CDCA7L: variants seen among roughly 807,000 people sequenced by gnomAD.
CDCA7L encodes the protein cell division cycle-associated 7-like protein.
Under a neutral mutation model 57.4 loss-of-function variants are expected in CDCA7L, and 44 were observed. That is an observed-to-expected ratio of 0.77 (90% CI 0.60 to 0.98). CDCA7L has a LOEUF of 0.98. Ranked by LOEUF, CDCA7L falls within the 50% of genes least tolerant of loss-of-function variation. CDCA7L has a pLI of 0.00. For missense variants in CDCA7L, 644 were observed against 580.6 expected (o/e 1.11, Z -1.12); for synonymous variants, 236 against 202.8 (o/e 1.16, Z -1.39).
chr7:21,908,137 T>C lies in CDCA7L; in HGVS notation c.674A>G (p.Lys225Arg), dbSNP rs750275136. The change falls in exon 4 of 10, where the codon AAA (lysine) becomes AGA (arginine). Residue 225 changes from lysine to arginine, a missense_variant. Lys to Arg is a conservative substitution (Grantham distance 26). Transcript: ENST00000406877. ...LKRTMNIKENKAMLAQLLAEL... is the reference protein window; with the variant it reads ...LKRTMNIKENRAMLAQLLAEL... ...CCCTCCGTGAAGCCTCACCATGGCT[T>C]TGTTCTCCTTGATGTTCATGGTCCT... 1 of 1,546,874 alleles carries C rather than the reference T, an allele frequency of 6.5e-7. No individual in the cohort carries two copies. The highest frequency in any genetic ancestry group is 2.2e-5 in the Admixed American group (1 of 46,100).
intron 1 of CDCA7L, among the ~76,000 whole-genome samples, chr7:21,922,530 G>A (rs1235220584): frequency 1.3e-5 from 2 of 152,126 alleles, no homozygotes; most frequent in Non-Finnish European, 2.9e-5. Flanking sequence ...CTACAGACTG[G>A]ATCTCAAACT....
rs778699445 is a variant in CDCA7L at position 21,911,686 on chromosome 7, G to A, written c.234C>T (p.Asp78=). 1 of 1,613,640 alleles carries A rather than the reference G, an allele frequency of 6.2e-7. No individual in the cohort carries two copies. The highest frequency in any genetic ancestry group is 8.5e-7 in the Non-Finnish European group (1 of 1,179,864). Residue 78 remains aspartate, a synonymous_variant, in exon 3 of 10, where the codon GAC becomes GAT. Transcript: ENST00000406877. ...ATCCTGCAAAATCCTCAGTCTCTGA[G>A]TCAGTGTCCTCTATAAAAATTCTTC... ...ELRRIFIEDT[D]SETEDFAGFT... is the part of the protein sequence containing the mutation.
At position 21,901,402 on chromosome 7, in the gene CDCA7L, G is replaced by GA. The variant is rs886062190; in HGVS notation, c.*919dup. 103 of 1,154,720 alleles carry GA rather than the reference G, an allele frequency of 8.9e-5. No homozygotes were observed. Among genetic ancestry groups the GA allele is most frequent in the South Asian group, 2.4e-4 (9 of 37,524 alleles). 71.5% of individuals were successfully genotyped at this position (1,154,720 alleles called of 1,614,324 possible). On this transcript the variant is annotated 3_prime_UTR_variant, in exon 10 of 10. Transcript: ENST00000406877. ...AACGCTATCCTTAGAGTGAAAGTCAGAAAAAAATACTAGAAACTAACTCAG... is the reference window on the plus strand; with the variant it reads ...AACGCTATCCTTAGAGTGAAAGTCAGAAAAAAAATACTAGAAACTAACTCAG...
chr7:21,936,259 G>A (rs759475977), intron 1 of CDCA7L, among the ~76,000 whole-genome samples: 8 of 152,086 alleles, frequency 5.3e-5, no homozygotes, highest in Non-Finnish European at 1.2e-4. Context: ...ATTTAAAGAA[G>A]AACAAACACC....
At position 21,902,125 on chromosome 7, in the gene CDCA7L, T is replaced by C. The variant is rs1284363296; in HGVS notation, c.*197A>G. ...ACAGACAGGTCTGTGCATACATCTA[T>C]ATAGATTCCTCTGCTCTGCTGTCTT... On this transcript the variant is annotated 3_prime_UTR_variant, in exon 10 of 10. Coordinates refer to ENST00000406877, the MANE Select transcript of CDCA7L (RefSeq NM_018719.5). 22 of 625,570 alleles carry C rather than the reference T, an allele frequency of 3.5e-5. 1 individual carries two copies. Among genetic ancestry groups the C allele is most frequent in the Middle Eastern group, 4.2e-4 (1 of 2,366 alleles). 38.8% of individuals were successfully genotyped at this position (625,570 alleles called of 1,614,324 possible). A position where few individuals can be genotyped will look rare whatever the true frequency, so the allele number is the denominator to read the frequency against.
At chr7:21,936,032 T>G (rs1005199741) in intron 1 of CDCA7L, among the ~76,000 whole-genome samples, 2 of 151,782 alleles carry the variant, frequency 1.3e-5, no homozygotes, top group Admixed American at 6.6e-5. Context: ...AATAAATAAA[T>G]AGGATTTTAA....
In CDCA7L at chr7:21,908,223, G is replaced by C. The variant is rs767559031; in HGVS notation, c.588C>G (p.Thr196=). The C allele has an allele frequency of 6.2e-6, 10 of 1,612,814 alleles. No homozygotes were observed. The highest frequency in any genetic ancestry group is 8.5e-6 in the Non-Finnish European group (10 of 1,179,830). The change falls in exon 4 of 10, where the codon ACC becomes ACG. Residue 196 remains threonine, a synonymous_variant. Coordinates refer to ENST00000406877, the MANE Select transcript of CDCA7L (RefSeq NM_018719.5). The stretch of plus-strand genomic sequence containing the variant: ...CCCGAGAGTCATCCTCAGACTCAGA[G>C]GTAGAATCTTCCCTTTGTATCACCT... ...CRQVIQREDS[T]SESEDDSRDE...
intron 1 of CDCA7L, among the ~76,000 whole-genome samples, chr7:21,917,162 T>A (rs1785512128): frequency 6.6e-6 from 1 of 152,162 alleles, no homozygotes; most frequent in Non-Finnish European, 1.5e-5. Context: ...AGAAGACATG[T>A]TTGATCTCTT....
In CDCA7L at chr7:21,904,212, T is replaced by A. The variant is rs755344125; in HGVS notation, c.1095A>T (p.Thr365=). 4.3e-6 allele frequency: 7 copies of A among 1,613,394 alleles called. No individual in the cohort carries two copies. The highest frequency in any genetic ancestry group is 2.2e-5 in the East Asian group (1 of 44,856). Residue 365 remains threonine (T), a synonymous_variant, in exon 8 of 10, where the codon ACA becomes ACT. Transcript: ENST00000406877. ...QCRQKTIDTK[T]VCRNQGCCGV... Reference sequence around the variant, plus strand: ...CACAGCAACCCTGGTTCCGACACACTGTCTTGGTGTCGATGGTCTTTTGTC... The same window carrying A: ...CACAGCAACCCTGGTTCCGACACACAGTCTTGGTGTCGATGGTCTTTTGTC...
chr7:21,945,416 G>A (rs1290661368), intron 1 of CDCA7L, among the ~76,000 whole-genome samples: 1 of 151,892 alleles, frequency 6.6e-6, no homozygotes, highest in African/African-American at 2.4e-5. Context: ...CCAATTCCCG[G>A]AGAAAGTGTG....
chr7:21,945,871 G>C lies in CDCA7L; in HGVS notation c.-67C>G. ...CGGGAGCCCGGACTCACCACGGCCCGGCGCACCAAGAACGCCCCGCGCCCG... is the reference window on the plus strand; with the variant it reads ...CGGGAGCCCGGACTCACCACGGCCCCGCGCACCAAGAACGCCCCGCGCCCG... On this transcript the variant is annotated 5_prime_UTR_variant, in exon 1 of 10. Coordinates refer to ENST00000406877, the MANE Select transcript of CDCA7L (RefSeq NM_018719.5). 8 of 1,528,122 alleles carry C rather than the reference G, an allele frequency of 5.2e-6. No homozygotes were observed. In the South Asian group the frequency reaches 7.2e-5, roughly 14 times the overall value. The allele number at this position is 1,528,122 out of a possible 1,614,324, so 94.7% of individuals were successfully genotyped here.
Position 21,908,322 on chromosome 7 carries a change from G to C in CDCA7L, c.489C>G (p.Ser163=). ...LANKPDKNSS[S]EQLFSSARLQ... is the part of the protein sequence containing the mutation. ...AGCGTGCGCTAGAAAACAACTGCTCGGAAGAACTGTTTTTATCTGGTTTGT... is the reference window on the plus strand; with the variant it reads ...AGCGTGCGCTAGAAAACAACTGCTCCGAAGAACTGTTTTTATCTGGTTTGT... The change falls in exon 4 of 10, where the codon TCC becomes TCG. Residue 163 remains serine (S), a synonymous_variant. Transcript: ENST00000406877. 1 of 1,608,168 alleles carries C rather than the reference G, an allele frequency of 6.2e-7. No individual in the cohort carries two copies. Among genetic ancestry groups the C allele is most frequent in the Non-Finnish European group, 8.5e-7 (1 of 1,178,552 alleles).
At chr7:21,931,851 G>A (rs1479718702) in intron 1 of CDCA7L, among the ~76,000 whole-genome samples, 1 of 152,202 alleles carries the variant, frequency 6.6e-6, no homozygotes, top group Non-Finnish European at 1.5e-5. Flanking sequence ...ATTCAAATAG[G>A]AAGAGAGGAA....
chr7:21,909,792 T>C (rs1187055800), intron 3 of CDCA7L, among the ~76,000 whole-genome samples: 1 of 152,076 alleles, frequency 6.6e-6, no homozygotes, highest in Non-Finnish European at 1.5e-5. Flanking sequence ...TACAGAGGCC[T>C]GAAGGAAGGA....
chr7:21,906,250 C>T lies in CDCA7L; in HGVS notation c.921+39G>A, dbSNP rs146257728. On this transcript the variant is annotated intron_variant, in intron 6 of 9. Coordinates refer to ENST00000406877, the MANE Select transcript of CDCA7L (RefSeq NM_018719.5). ...GCGTTCACGTTTGGAGGGATGGTAG[C>T]TCAGACAAAAACTAATTCATGTATT... is the stretch of plus-strand genomic sequence containing the variant. 655 of 1,549,542 alleles carry T rather than the reference C, an allele frequency of 4.2e-4. 10 individuals carry two copies. The East Asian group carries it at 0.014, about 34-fold the overall frequency.
At chr7:21,902,412 G>GCTTGAGAGATTCCACAATCATCT in intron 9 of CDCA7L, 60 bp from the exon 10 acceptor site, 1 of 1,491,024 alleles carries the variant, frequency 6.7e-7, no homozygotes, top group Non-Finnish European at 9.4e-7. Context: ...GGCATTCTAG[G>GCTTGAGAGATTCCACAATCATCT]CTTGAGAGAT....
rs2128054453 is a variant in CDCA7L at position 21,901,814 on chromosome 7, TAAAAATA to T, written c.*501_*507del. 1 of 164,888 alleles carries T rather than the reference TAAAAATA, an allele frequency of 6.1e-6. No homozygotes were observed. Among genetic ancestry groups the T allele is most frequent in the South Asian group, 1.7e-4 (1 of 6,012 alleles). 10.2% of individuals were successfully genotyped at this position (164,888 alleles called of 1,614,324 possible). ...CCCCTTTTGTTCAGTCAAGTTTTAA[TAAAAATA>T]AAACTGTTCTACAGTTAATTGCACT... On this transcript the variant is annotated 3_prime_UTR_variant, in exon 10 of 10. Transcript: ENST00000406877.
At chr7:21,911,562 C>CAGAA in intron 3 of CDCA7L, 55 bp downstream of exon 3, 1 of 1,543,352 alleles carries the variant, frequency 6.5e-7, no homozygotes, top group Non-Finnish European at 8.7e-7. Context: ...AAAACTCTTT[C>CAGAA]AGAAACAGGA....
intron 1 of CDCA7L, among the ~76,000 whole-genome samples, chr7:21,926,312 T>A (rs546157925): frequency 3.9e-5 from 6 of 152,146 alleles, no homozygotes; most frequent in Admixed American, 3.9e-4. Flanking sequence ...TTCATCAAAA[T>A]TAAAAACTGT....
Sources: allele counts gnomAD v4.1 joint callset (sites outside exome capture counted in the v4.1 genomes callset), GRCh38; gene constraint gnomAD v4.1.1; transcripts MANE v1.5; gene names NCBI Gene and HGNC (gene_info 2026-07-23, HGNC 2026-07-21).